The following DDHD1 variants were observed in gnomAD, a reference collection of about 807,000 sequenced individuals.
The protein encoded by DDHD1 is phospholipase DDHD1.
In DDHD1, 49 loss-of-function variants were observed where a neutral mutation model predicts 96.4. The ratio of observed to expected loss-of-function variants is 0.51; its 90% CI spans 0.40 to 0.64. DDHD1 has a LOEUF of 0.64. Ranked by LOEUF, DDHD1 falls within the 30% of genes least tolerant of loss-of-function variation. DDHD1 has a pLI of 0.00. For missense variants in DDHD1, 1,106 were observed against 1,161.2 expected, an observed-to-expected ratio of 0.95 and a Z score of 0.69; for synonymous variants, 442 against 446.5, an observed-to-expected ratio of 0.99 and a Z score of 0.13.
chr14:53,046,470 A>G lies in DDHD1; in HGVS notation c.*298T>C, dbSNP rs1882016037. The stretch of plus-strand genomic sequence containing the variant: ...TGCCTTTATATTTGGGAGGAATCAG[A>G]TTGTGATTTGTAGCCTTTACATGCA... On this transcript the variant is annotated 3_prime_UTR_variant, in exon 13 of 13. Transcript: ENST00000673822. 5.0e-6 allele frequency: 1 copy of G among 201,368 alleles called. No individual in the cohort carries two copies. The allele number at this position is 201,368 out of a possible 1,614,324, so 12.5% of individuals were successfully genotyped here. A position where few individuals can be genotyped will look rare whatever the true frequency, so the allele number is the denominator to read the frequency against.
intron 7 of DDHD1, 52 bp from the exon 8 acceptor site, chr14:53,061,253 T>C: frequency 1.3e-6 from 2 of 1,490,838 alleles, no homozygotes; most frequent in Non-Finnish European, 1.8e-6. Flanking sequence ...ATTTCATAAA[T>C]ATTAGATGCT....
intron 4 of DDHD1, among the ~76,000 whole-genome samples, chr14:53,082,238 AAGAT>A (rs1447675381): frequency 3.3e-5 from 5 of 152,196 alleles, no homozygotes; most frequent in African/African-American, 1.2e-4. Context: ...GTAAGAAGAG[AAGAT>A]AGAGATTAAT....
At chr14:53,099,224 TCTC>T (rs925055500) in intron 2 of DDHD1, among the ~76,000 whole-genome samples, 34 of 152,266 alleles carry the variant, frequency 2.2e-4, no homozygotes, top group Admixed American at 9.2e-4. Context: ...TCATCCAGCT[TCTC>T]CTAATGTTAG....
In DDHD1 at chr14:53,041,977, A is replaced by T. The variant is rs571252813; in HGVS notation, c.*4791T>A. The T allele has an allele frequency of 1.3e-5, 2 of 152,228 alleles. No homozygotes were observed. The highest frequency in any genetic ancestry group is 3.8e-4 in the East Asian group (2 of 5,200). 9.4% of individuals were successfully genotyped at this position (152,228 alleles called of 1,614,324 possible). A position where few individuals can be genotyped will look rare whatever the true frequency, so the allele number is the denominator to read the frequency against. ...TATCGATTAGGGGAAACAGTCTGGT[A>T]TAAGACATGGTTGGGAATCAGGGGA... On this transcript the variant is annotated 3_prime_UTR_variant, in exon 13 of 13. Transcript: ENST00000673822.
At chr14:53,142,919 C>G (rs1890736400) in intron 1 of DDHD1, among the ~76,000 whole-genome samples, 1 of 152,156 alleles carries the variant, frequency 6.6e-6, no homozygotes, top group South Asian at 2.1e-4. Flanking sequence ...AGGAAACAGA[C>G]TACAAATTGA....
chr14:53,113,602 G>A (rs903685853), intron 1 of DDHD1, among the ~76,000 whole-genome samples: 1 of 151,302 alleles, frequency 6.6e-6, no homozygotes, highest in African/African-American at 2.5e-5. Context: ...GAAGCATGGT[G>A]GTGCGTCACT....
intron 1 of DDHD1, among the ~76,000 whole-genome samples, chr14:53,137,569 G>A (rs1265923034): frequency 6.6e-6 from 1 of 152,100 alleles, no homozygotes; most frequent in Admixed American, 6.5e-5. Flanking sequence ...TCCAGCCTGG[G>A]TGACACAGTG....
At chr14:53,058,745 G>T in intron 8 of DDHD1, 119 bp from the exon 9 acceptor site, 2 of 915,870 alleles carry the variant, frequency 2.2e-6, no homozygotes, top group Non-Finnish European at 3.2e-6. Context: ...GAGTATATTC[G>T]TTTTTAATAA....
intron 12 of DDHD1, among the ~76,000 whole-genome samples, chr14:53,049,738 A>G (rs927918717): frequency 1.3e-5 from 2 of 151,640 alleles, no homozygotes; most frequent in African/African-American, 4.8e-5. Flanking sequence ...GAATTTCTCT[A>G]TCCATAAAAA....
rs563148440 is a variant in DDHD1 at position 53,058,132 on chromosome 14, C to T, written c.1992+345G>A. Among the ~76,000 whole-genome samples the T allele has an allele frequency of 6.7e-4, 102 of 152,168 alleles. 1 individual carries two copies. Among genetic ancestry groups the T allele is most frequent in the Middle Eastern group, 6.8e-3 (2 of 294 alleles). ...GGATTACAGGCATGAGCACCACGCCCGGCTTTTTTCTTTTTGTTTGAGATG... is the reference window on the plus strand; with the variant it reads ...GGATTACAGGCATGAGCACCACGCCTGGCTTTTTTCTTTTTGTTTGAGATG... On this transcript the variant is annotated intron_variant, in intron 9 of 12. Transcript: ENST00000673822.
intron 1 of DDHD1, among the ~76,000 whole-genome samples, chr14:53,123,801 G>A (rs1480514486): frequency 6.6e-6 from 1 of 152,198 alleles, no homozygotes; most frequent in East Asian, 1.9e-4. Context: ...AGGAGATTTT[G>A]ATTGTATCTG....
chr14:53,080,074 C>T (rs1017850179), intron 4 of DDHD1, among the ~76,000 whole-genome samples: 1 of 152,126 alleles, frequency 6.6e-6, no homozygotes, highest in Non-Finnish European at 1.5e-5. Flanking sequence ...TAAGAAATGA[C>T]ATCTGTTTGG....
chr14:53,059,580 G>A (rs1265391232), intron 8 of DDHD1, among the ~76,000 whole-genome samples: 1 of 149,386 alleles, frequency 6.7e-6, no homozygotes, highest in Admixed American at 6.6e-5. Context: ...AAAATAGTCT[G>A]ATAGGCTGGG....
intron 2 of DDHD1, among the ~76,000 whole-genome samples, chr14:53,095,965 C>A (rs1886851004): frequency 6.6e-6 from 1 of 151,970 alleles, no homozygotes; most frequent in Non-Finnish European, 1.5e-5. Flanking sequence ...ACACTGTTTA[C>A]CAATATTTAT....
intron 1 of DDHD1, among the ~76,000 whole-genome samples, chr14:53,137,442 A>G (rs1055813498): frequency 2.0e-5 from 3 of 152,132 alleles, no homozygotes; most frequent in Admixed American, 6.5e-5. Flanking sequence ...AAATACAAAA[A>G]TTAGCTGGGC....
rs1881819289 is a variant in DDHD1, at chr14:53,043,695, T to C, written c.*3073A>G. ...TTCCCTGCTTGGCCTCCCAAAGTGC[T>C]GGGATTACAGGCATGAGCTGCCACA... On this transcript the variant is annotated 3_prime_UTR_variant, in exon 13 of 13. Coordinates refer to ENST00000673822, the MANE Select transcript of DDHD1 (RefSeq NM_001160148.2). The C allele has an allele frequency of 6.6e-6, 1 of 152,206 alleles. No individual in the cohort carries two copies. The highest frequency in any genetic ancestry group is 1.5e-5 in the Non-Finnish European group (1 of 68,046). 9.4% of individuals were successfully genotyped at this position (152,206 alleles called of 1,614,324 possible).
At chr14:53,092,759 T>C (rs1886535354) in intron 3 of DDHD1, 1 of 152,240 alleles carries the variant, frequency 6.6e-6, no homozygotes, top group Non-Finnish European at 1.5e-5. Context: ...TTTGGAGGAT[T>C]GCTTGAGCCC....
chr14:53,098,360 G>A (rs1337339855), intron 2 of DDHD1, among the ~76,000 whole-genome samples: 2 of 151,802 alleles, frequency 1.3e-5, no homozygotes, highest in East Asian at 1.9e-4. Context: ...GAAACTTTCT[G>A]CATTATATAA....
intron 10 of DDHD1, among the ~76,000 whole-genome samples, 190 bp from the exon 11 acceptor site, chr14:53,054,819 T>G (rs1189883554): frequency 6.6e-6 from 1 of 152,052 alleles, no homozygotes; most frequent in Non-Finnish European, 1.5e-5. Flanking sequence ...AGAATGAGAG[T>G]TGTATAAGCT....
Sources: allele counts gnomAD v4.1 joint callset (sites outside exome capture counted in the v4.1 genomes callset), GRCh38; gene constraint gnomAD v4.1.1; transcripts MANE v1.5; gene names NCBI Gene and HGNC (gene_info 2026-07-23, HGNC 2026-07-21).